The following SPOCK2 variants were observed in gnomAD, a reference collection of about 807,000 sequenced individuals.
SPOCK2 encodes testican-2.
In SPOCK2, 39 loss-of-function variants were observed where a neutral mutation model predicts 60.1. The ratio of observed to expected loss-of-function variants is 0.65; its 90% CI spans 0.50 to 0.85. The LOEUF (loss-of-function observed/expected upper bound fraction) is 0.85. Ranked by LOEUF, SPOCK2 falls within the 40% of genes least tolerant of loss-of-function variation. SPOCK2 has a pLI of 0.00. For synonymous variants in SPOCK2, 217 were observed against 231.5 expected, an observed-to-expected ratio of 0.94 and a Z score of 0.57; for missense variants, 523 against 567.4, an observed-to-expected ratio of 0.92 and a Z score of 0.80.
intron 1 of SPOCK2, among the ~76,000 whole-genome samples, chr10:72,080,922 T>C (rs1214834094): frequency 6.6e-6 from 1 of 152,064 alleles, no homozygotes; most frequent in Admixed American, 6.5e-5. Context: ...TAGTCCTTGG[T>C]CCCTGCTCCG....
intron 4 of SPOCK2, among the ~76,000 whole-genome samples, chr10:72,071,610 A>G (rs1299818998): frequency 5.3e-5 from 8 of 152,142 alleles, no homozygotes; most frequent in Non-Finnish European, 2.9e-5. Flanking sequence ...AGGAACCTCA[A>G]ATTATATGGT....
At chr10:72,069,648 G>C (rs1840618477) in intron 5 of SPOCK2, among the ~76,000 whole-genome samples, 3 of 151,928 alleles carry the variant, frequency 2.0e-5, no homozygotes, top group Non-Finnish European at 4.4e-5. Context: ...TGTAGAGACA[G>C]GGTCTCACTA....
intron 3 of SPOCK2, 64 bp from the exon 4 acceptor site, chr10:72,072,322 TC>T: frequency 6.9e-7 from 1 of 1,457,820 alleles, no homozygotes; most frequent in Non-Finnish European, 9.1e-7. Flanking sequence ...CAGCCCCACT[TC>T]TGAGCTGGGA....
At chr10:72,071,196 T>TG (rs1016884902) in intron 4 of SPOCK2, among the ~76,000 whole-genome samples, 7 of 138,862 alleles carry the variant, frequency 5.0e-5, no homozygotes, top group Admixed American at 1.4e-4. Context: ...TTTTGTTGTG[T>TG]TTTTTTTTTT....
chr10:72,086,824 CA>C (rs1840862465), intron 1 of SPOCK2: 1 of 1,537,516 alleles, frequency 6.5e-7, no homozygotes, highest in Middle Eastern at 1.7e-4. Flanking sequence ...CTGACGGTAA[CA>C]AAAAGATCCA....
At chr10:72,075,989 T>C (rs1840710586) in intron 1 of SPOCK2, among the ~76,000 whole-genome samples, 1 of 152,138 alleles carries the variant, frequency 6.6e-6, no homozygotes, top group Non-Finnish European at 1.5e-5. Flanking sequence ...GCGGGGTGCC[T>C]GGGGTCCAGG....
At chr10:72,072,381 G>A (rs1021689570) in intron 3 of SPOCK2, 122 bp downstream of exon 3, 15 of 1,509,392 alleles carry the variant, frequency 9.9e-6, no homozygotes, top group South Asian at 5.0e-5. Flanking sequence ...CTGAGCTCAG[G>A]AGTCCCATCC....
chr10:72,085,764 G>A (rs1175084933), intron 1 of SPOCK2, among the ~76,000 whole-genome samples: 1 of 152,192 alleles, frequency 6.6e-6, no homozygotes, highest in Non-Finnish European at 1.5e-5. Context: ...AGGAACCAAG[G>A]AGCATATTTT....
At chr10:72,068,573 C>T (rs1840603277) in intron 5 of SPOCK2, among the ~76,000 whole-genome samples, 1 of 152,154 alleles carries the variant, frequency 6.6e-6, no homozygotes, top group Non-Finnish European at 1.5e-5. Flanking sequence ...CCTCCCAGGA[C>T]ACCTGTCTCC....
chr10:72,069,547 A>G (rs2131813929), intron 5 of SPOCK2, among the ~76,000 whole-genome samples: 1 of 148,616 alleles, frequency 6.7e-6, no homozygotes, highest in African/African-American at 2.5e-5. Flanking sequence ...ATGGCTCACT[A>G]CAGCCTCGAA....
intron 4 of SPOCK2, among the ~76,000 whole-genome samples, chr10:72,071,544 C>T (rs1341133102): frequency 1.3e-5 from 2 of 152,214 alleles, no homozygotes; most frequent in African/African-American, 4.8e-5. Context: ...AAGCTACAAC[C>T]TCTCACAAGC....
rs374426967 is a variant in SPOCK2, at chr10:72,087,203, G to T, written c.189+937C>A. Among the ~76,000 whole-genome samples the T allele has an allele frequency of 6.0e-5, 9 of 151,184 alleles. No individual in the cohort carries two copies. Among genetic ancestry groups the T allele is most frequent in the Non-Finnish European group, 1.2e-4 (8 of 67,820 alleles). On this transcript the variant is annotated intron_variant, in intron 1 of 10. Coordinates refer to ENST00000373109, the MANE Select transcript of SPOCK2 (RefSeq NM_001244950.2). The surrounding 1 kb of genome is among the most constrained non-coding windows in gnomAD (Gnocchi z 4.7). ...CCCCAGCCCCCAACCCGGCCCGGCC[G>T]AGAGGAAGGAGCCAGCCCCGCCGGG...
chr10:72,079,800 CAG>C (rs1461452356), intron 1 of SPOCK2, among the ~76,000 whole-genome samples: 1 of 152,034 alleles, frequency 6.6e-6, no homozygotes, highest in Non-Finnish European at 1.5e-5. Flanking sequence ...CACAGTGTGA[CAG>C]AGAGACCTCA....
intron 1 of SPOCK2, chr10:72,086,392 G>A (rs1024576002): frequency 3.0e-6 from 3 of 1,000,464 alleles, no homozygotes; most frequent in African/African-American, 1.7e-5. Context: ...GGGAGGTGGG[G>A]AGGAATCTTT....
chr10:72,079,698 TATGAAGCTTGGGACCTAGCAGCGA>T (rs1167980261), intron 1 of SPOCK2, among the ~76,000 whole-genome samples: 1 of 152,168 alleles, frequency 6.6e-6, no homozygotes, highest in African/African-American at 2.4e-5. Context: ...CTCCATCTGG[TATGAAGCTTGGGACCTAGCAGCGA>T]ATCAGCAAAG....
intron 7 of SPOCK2, 110 bp downstream of exon 7, chr10:72,067,503 C>T: frequency 6.5e-7 from 1 of 1,545,042 alleles, no homozygotes; most frequent in Non-Finnish European, 8.7e-7. Flanking sequence ...GATTGTAGGG[C>T]CCAGAGTCTG....
At chr10:72,074,760 G>C (rs76636371) in intron 1 of SPOCK2, among the ~76,000 whole-genome samples, 330 of 152,224 alleles carry the variant, frequency 2.2e-3, no homozygotes, top group African/African-American at 7.4e-3. Context: ...GAGAGCCCAC[G>C]GCGGCTCTCT....
chr10:72,063,216 C>G (rs1242056846), intron 9 of SPOCK2, 54 bp from the exon 10 acceptor site: 2 of 1,547,078 alleles, frequency 1.3e-6, no homozygotes, highest in African/African-American at 2.7e-5. Context: ...CTGTGGGCCC[C>G]TCAGAGAGGT....
intron 1 of SPOCK2, among the ~76,000 whole-genome samples, chr10:72,082,317 G>A (rs1286431112): frequency 6.6e-6 from 1 of 152,226 alleles, no homozygotes; most frequent in Non-Finnish European, 1.5e-5. Context: ...TATCTAAACT[G>A]TGTATGCAGG....
Sources: allele counts gnomAD v4.1 joint callset (sites outside exome capture counted in the v4.1 genomes callset), GRCh38; gene constraint gnomAD v4.1.1; non-coding constraint Gnocchi (gnomAD v3.1); transcripts MANE v1.5; gene names NCBI Gene and HGNC (gene_info 2026-07-23, HGNC 2026-07-21).